SP100: variants seen among roughly 807,000 people sequenced by gnomAD.
The protein encoded by SP100 is nuclear autoantigen Sp-100.
SP100 carries 84 observed loss-of-function variants against 130.0 expected under a neutral mutation model. The observed-to-expected ratio is 0.65, with a 90% CI of 0.54 to 0.77. The LOEUF is 0.77. Among genes scored for constraint, SP100 ranks in the 30% least tolerant of loss-of-function variants. The pLI is 0.00. For synonymous variants in SP100, 331 were observed against 351.7 expected, an observed-to-expected ratio of 0.94 and a Z score of 0.66; for missense variants, 978 against 1,052.2, an observed-to-expected ratio of 0.93 and a Z score of 0.97.
At chr2:230,503,812 G>A (rs958323655) in intron 20 of SP100, among the ~76,000 whole-genome samples, 3 of 152,168 alleles carry the variant, frequency 2.0e-5, no homozygotes, top group African/African-American at 7.2e-5. Flanking sequence ...GTCAATGCCT[G>A]GAATGGGGAG....
At chr2:230,515,759 G>A (rs778158576) in intron 24 of SP100, 323 of 1,502,088 alleles carry the variant, frequency 2.2e-4, no homozygotes, top group Non-Finnish European at 2.6e-4. Flanking sequence ...TTTTTAAACC[G>A]TACACTGTGT....
chr2:230,481,606 C>A (rs946981602), intron 17 of SP100, among the ~76,000 whole-genome samples: 3 of 152,194 alleles, frequency 2.0e-5, no homozygotes, highest in Non-Finnish European at 4.4e-5. Flanking sequence ...CCCACTAGAA[C>A]CTATTCTCCA....
At chr2:230,533,406 C>T (rs74386811) in intron 24 of SP100, among the ~76,000 whole-genome samples, 3,042 of 152,284 alleles carry the variant, frequency 0.02, 56 homozygotes, top group Non-Finnish European at 0.027. Context: ...GAAGTAATAA[C>T]TACTGGACAC....
chr2:230,472,295 G>A lies in SP100; in HGVS notation c.1430-1029G>A, dbSNP rs924465745. ...CAAAAAAAATTAGCCAGGCATGGTGGCAGGCAGCTGTAGCTCCAGCTACTC... is the reference window on the plus strand; with the variant it reads ...CAAAAAAAATTAGCCAGGCATGGTGACAGGCAGCTGTAGCTCCAGCTACTC... On this transcript the variant is annotated intron_variant, in intron 15 of 28. Coordinates refer to ENST00000340126, the MANE Select transcript of SP100 (RefSeq NM_001080391.2). Among the ~76,000 whole-genome samples, 4 of 152,018 alleles carry A rather than the reference G, an allele frequency of 2.6e-5. No homozygotes were observed. In the East Asian group the frequency reaches 7.7e-4, roughly 29 times the overall value.
In SP100 at chr2:230,473,410, A is replaced by G. The variant is rs563343526; in HGVS notation, c.1516A>G (p.Thr506Ala). The G allele has an allele frequency of 1.5e-5, 24 of 1,613,432 alleles. No homozygotes were observed. In the East Asian group the frequency reaches 4.5e-4, roughly 30 times the overall value. Residue 506 changes from threonine (T) to alanine (A), a missense_variant, in exon 16 of 29, where the codon ACT (threonine) becomes GCT (alanine). Thr to Ala is a moderately conservative substitution (Grantham distance 58, BLOSUM62 0). Coordinates refer to ENST00000340126, the MANE Select transcript of SP100 (RefSeq NM_001080391.2). ...KGVPRSQEAR[T>A]ESSQASDMMD... ...TGTGCCAAGAAGCCAAGAAGCAAGG[A>G]CTGAAAGTAGTCAAGCATCTGACAT...
At position 230,461,351 on chromosome 2, in the gene SP100, A is replaced by T. The variant is rs2064613343; in HGVS notation, c.910A>T (p.Asn304Tyr). The T allele has an allele frequency of 6.2e-7, 1 of 1,614,182 alleles. No individual in the cohort carries two copies. Among genetic ancestry groups the T allele is most frequent in the East Asian group, 2.2e-5 (1 of 44,894 alleles). The change falls in exon 9 of 29, where the codon AAT (asparagine) becomes TAT (tyrosine). Residue 304 changes from asparagine to tyrosine, a missense_variant. Physicochemically the swap from Asn to Tyr is moderately radical, Grantham distance 143. Coordinates refer to ENST00000340126, the MANE Select transcript of SP100 (RefSeq NM_001080391.2). ...TATAAAAAAGGAAAAGCCATTTTCT[A>T]ATTCAAAAGTTGAGTGCCAAGCCCA... ...VDIKKEKPFS[N>Y]SKVECQAQAR...
chr2:230,530,033 C>T (rs964736810), intron 24 of SP100, among the ~76,000 whole-genome samples: 2 of 152,118 alleles, frequency 1.3e-5, no homozygotes, highest in African/African-American at 4.8e-5. Context: ...CAATGCTATC[C>T]CCATCAAGCT....
chr2:230,472,961 C>G (rs2065349349), intron 15 of SP100, among the ~76,000 whole-genome samples: 1 of 152,152 alleles, frequency 6.6e-6, no homozygotes, highest in Admixed American at 6.5e-5. Flanking sequence ...TCAGAAGGCT[C>G]CTGTTGGAGA....
chr2:230,425,338 C>T (rs989582324), intron 2 of SP100, among the ~76,000 whole-genome samples: 14 of 149,530 alleles, frequency 9.4e-5, no homozygotes, highest in South Asian at 2.1e-4. Flanking sequence ...GCTATTTGAC[C>T]CTCTGTTTCT....
Position 230,416,225 on chromosome 2 carries a change from G to A in SP100, c.-72G>A. ...TGCTTGGGGCCTGGGCAGCCACACT[G>A]CACGCAGGCTGGGCCGACTGAGGGG... On this transcript the variant is annotated 5_prime_UTR_variant, in exon 1 of 29. Transcript: ENST00000340126. The A allele has an allele frequency of 1.5e-6, 2 of 1,310,608 alleles. No homozygotes were observed. Among genetic ancestry groups the A allele is most frequent in the Non-Finnish European group, 2.2e-6 (2 of 913,980 alleles). The allele number at this position is 1,310,608 out of a possible 1,614,324, so 81.2% of individuals were successfully genotyped here.
intron 24 of SP100, among the ~76,000 whole-genome samples, chr2:230,520,827 T>A (rs936219181): frequency 1.3e-5 from 2 of 152,220 alleles, no homozygotes; most frequent in Non-Finnish European, 2.9e-5. Context: ...AGAGGGACTC[T>A]TCACACCAGA....
At position 230,530,115 on chromosome 2, in the gene SP100, T is replaced by G. The variant is rs377162307; in HGVS notation, c.2095-9152T>G. ...ATATGGAACCAAAAATGAGCCCACA[T>G]AGCCAGAACAATCCTAAGCAAAAAG... On this transcript the variant is annotated intron_variant, in intron 24 of 28. Transcript: ENST00000340126. Among the ~76,000 whole-genome samples, 13 of 152,306 alleles carry G rather than the reference T, an allele frequency of 8.5e-5. No homozygotes were observed. In the South Asian group the frequency reaches 2.7e-3, roughly 32 times the overall value.
intron 8 of SP100, among the ~76,000 whole-genome samples, chr2:230,460,987 C>A (rs932248926): frequency 6.0e-5 from 9 of 150,332 alleles, no homozygotes; most frequent in African/African-American, 7.4e-5. Context: ...CACTTTTATT[C>A]ATGTGTCTTA....
At chr2:230,490,799 T>A (rs902986414) in intron 17 of SP100, among the ~76,000 whole-genome samples, 1 of 152,202 alleles carries the variant, frequency 6.6e-6, no homozygotes, top group African/African-American at 2.4e-5. Context: ...TTTTTAAGAA[T>A]GTTGAATATT....
intron 2 of SP100, among the ~76,000 whole-genome samples, chr2:230,432,869 T>C (rs2063139955): frequency 6.6e-6 from 1 of 152,224 alleles, no homozygotes; most frequent in African/African-American, 2.4e-5. Flanking sequence ...ATTTATTCTC[T>C]TATGATTATA....
intron 24 of SP100, 199 bp from the exon 25 acceptor site, chr2:230,539,068 A>G: frequency 2.4e-6 from 1 of 415,758 alleles, no homozygotes; most frequent in Non-Finnish European, 4.4e-6. Flanking sequence ...TCATAAAGAA[A>G]ACTTTTCTGG....
At chr2:230,535,198 A>G (rs1233923792) in intron 24 of SP100, among the ~76,000 whole-genome samples, 1 of 151,848 alleles carries the variant, frequency 6.6e-6, no homozygotes, top group Non-Finnish European at 1.5e-5. Context: ...TCCATCTCAA[A>G]AAAAAAAAAG....
chr2:230,423,886 A>G (rs1298023838), intron 2 of SP100, among the ~76,000 whole-genome samples: 1 of 152,166 alleles, frequency 6.6e-6, no homozygotes, highest in African/African-American at 2.4e-5. Flanking sequence ...TGTGTTCCTT[A>G]AGATTTCCAT....
chr2:230,425,230 C>G (rs1413172888), intron 2 of SP100, among the ~76,000 whole-genome samples: 1 of 152,164 alleles, frequency 6.6e-6, no homozygotes, highest in Non-Finnish European at 1.5e-5. Context: ...TTCCATACTA[C>G]ACATTAAATA....
Sources: allele counts gnomAD v4.1 joint callset (sites outside exome capture counted in the v4.1 genomes callset), GRCh38; gene constraint gnomAD v4.1.1; transcripts MANE v1.5; gene names NCBI Gene and HGNC (gene_info 2026-07-23, HGNC 2026-07-21).